Variants in DOCK9 observed in about 807,000 individuals in gnomAD.
The protein encoded by DOCK9 is dedicator of cytokinesis 9, also known as dedicator of cytokinesis protein 9.
A neutral mutation model predicts 263.3 loss-of-function variants in DOCK9; 89 were observed. The ratio of observed to expected loss-of-function variants is 0.34; its 90% CI spans 0.28 to 0.40. The LOEUF is 0.40. Among genes scored for constraint, DOCK9 ranks in the 10% least tolerant of loss-of-function variants. The pLI is 1.00. For missense variants in DOCK9, 2,140 were observed against 2,603.4 expected (o/e 0.82, Z 3.87); for synonymous variants, 976 against 973.1 (o/e 1.00, Z -0.06).
chr13:98,803,188 C>A (rs868461471), intron 49 of DOCK9, among the ~76,000 whole-genome samples: 1 of 152,178 alleles, frequency 6.6e-6, no homozygotes, highest in Non-Finnish European at 1.5e-5. Context: ...CTCTCTGAAG[C>A]GCACTCTCTG....
At position 98,998,961 on chromosome 13, in the gene DOCK9, G is replaced by A. The variant is rs1447973859; in HGVS notation, c.130-43410C>T. On this transcript the variant is annotated intron_variant, in intron 1 of 32. Coordinates refer to the DOCK9 transcript ENST00000427887. ...CAACCATAGTGTCCTTGGGGCTGGAGAAAGGGAAGCAAGCTCGGATCACAC... is the reference window on the plus strand; with the variant it reads ...CAACCATAGTGTCCTTGGGGCTGGAAAAAGGGAAGCAAGCTCGGATCACAC... 3.3e-5 allele frequency among the ~76,000 whole-genome samples: 5 copies of A among 152,276 alleles called. No individual in the cohort carries two copies. The East Asian group carries it at 5.8e-4, about 18-fold the overall frequency.
At chr13:98,945,452 C>T (rs559018813) in intron 2 of DOCK9, among the ~76,000 whole-genome samples, 1 of 152,238 alleles carries the variant, frequency 6.6e-6, no homozygotes, top group Non-Finnish European at 1.5e-5. Flanking sequence ...CTCAAACTAC[C>T]CCACACCAAG....
intron 27 of DOCK9, among the ~76,000 whole-genome samples, chr13:98,873,085 G>A (rs868346221): frequency 3.3e-5 from 5 of 152,108 alleles, no homozygotes; most frequent in African/African-American, 7.2e-5. Context: ...GGCCCAAGAC[G>A]CTTCCTTCCT....
chr13:98,974,748 CAAAAAAAAAAAA>C (rs57196019), intron 1 of DOCK9, among the ~76,000 whole-genome samples: 2 of 33,206 alleles, frequency 6.0e-5, no homozygotes, highest in African/African-American at 1.1e-4. Flanking sequence ...AACTCTGTCT[CAAAAAAAAAAAA>C]AAAAAAAAAA....
At chr13:98,954,897 CAT>C (rs1555424716) in intron 2 of DOCK9, among the ~76,000 whole-genome samples, 1 of 149,826 alleles carries the variant, frequency 6.7e-6, no homozygotes, top group Non-Finnish European at 1.5e-5. Context: ...CACACACACA[CAT>C]TTTGGCATAC....
chr13:99,067,473 G>A (rs367588465), intron 1 of DOCK9, among the ~76,000 whole-genome samples: 1 of 152,198 alleles, frequency 6.6e-6, no homozygotes, highest in African/African-American at 2.4e-5. Context: ...CACAAGGGAA[G>A]CCTGCAGCAG....
chr13:98,982,144 G>A (rs1419089353), upstream of DOCK9, among the ~76,000 whole-genome samples: 7 of 152,146 alleles, frequency 4.6e-5, no homozygotes. Context: ...TCTGTAATGG[G>A]GTTCAGGTCT....
intron 1 of DOCK9, among the ~76,000 whole-genome samples, chr13:99,080,264 C>T (rs1409676069): frequency 6.6e-6 from 1 of 152,008 alleles, no homozygotes; most frequent in Non-Finnish European, 1.5e-5. Context: ...AGTGCCTACA[C>T]ACACACAGGC....
chr13:99,019,179 C>T (rs1566309272), intron 1 of DOCK9, among the ~76,000 whole-genome samples: 1 of 152,126 alleles, frequency 6.6e-6, no homozygotes, highest in Non-Finnish European at 1.5e-5. Context: ...AGAACAGACA[C>T]ATCCAGAGAG....
At chr13:98,843,042 G>T (rs1198028984) in intron 38 of DOCK9, among the ~76,000 whole-genome samples, 3 of 152,170 alleles carry the variant, frequency 2.0e-5, no homozygotes, top group Non-Finnish European at 2.9e-5. Context: ...ACCTACAAAG[G>T]ATTCCGTTTC....
At chr13:98,823,697 G>C (rs146825036) in intron 45 of DOCK9, among the ~76,000 whole-genome samples, 3 of 152,362 alleles carry the variant, frequency 2.0e-5, no homozygotes, top group East Asian at 1.9e-4. Flanking sequence ...GAGTGAATGA[G>C]TGAATGCCAG....
chr13:98,984,574 G>A (rs188162947), intron 1 of DOCK9, among the ~76,000 whole-genome samples: 6 of 152,306 alleles, frequency 3.9e-5, no homozygotes, highest in Admixed American at 2.0e-4. Flanking sequence ...GGTACTATTA[G>A]TGATTCTTTT....
At chr13:98,984,871 A>G (rs1203033587) in intron 1 of DOCK9, among the ~76,000 whole-genome samples, 1 of 152,184 alleles carries the variant, frequency 6.6e-6, no homozygotes, top group Non-Finnish European at 1.5e-5. Context: ...TATTGATAAT[A>G]TCTGGGGAAA....
At chr13:98,900,761 A>T (rs2048149401) in intron 13 of DOCK9, among the ~76,000 whole-genome samples, 1 of 152,264 alleles carries the variant, frequency 6.6e-6, no homozygotes, top group South Asian at 2.1e-4. Context: ...CAAAGGACCC[A>T]GATGAGTTAA....
intron 24 of DOCK9, 24 bp downstream of exon 24, chr13:98,881,868 A>G (rs1164408781): frequency 6.6e-7 from 1 of 1,522,320 alleles, no homozygotes; most frequent in Admixed American, 2.0e-5. Context: ...GAAGTGAGGA[A>G]GAGCATCCAT....
rs116284923 is a variant in DOCK9 at position 98,853,291 on chromosome 13, C to T, written c.3946+117G>A. 6,663 of 624,872 alleles carry T rather than the reference C, an allele frequency of 0.011. 352 individuals carry two copies. In the African/African-American group the frequency reaches 0.11, roughly 10 times the overall value. 38.7% of individuals were successfully genotyped at this position (624,872 alleles called of 1,614,324 possible). A position where few individuals can be genotyped will look rare whatever the true frequency, so the allele number is the denominator to read the frequency against. ...CAATTACATTTAGTCAATGAATATG[C>T]ATTTTAAACAAGAAAATCCTTTGAA... On this transcript the variant is annotated intron_variant, in intron 35 of 52. Transcript: ENST00000682017.
intron 1 of DOCK9, among the ~76,000 whole-genome samples, chr13:99,084,198 C>T (rs561059153): frequency 3.3e-5 from 5 of 152,280 alleles, no homozygotes; most frequent in South Asian, 2.1e-4. Context: ...AGGAAGTAAG[C>T]AGTGGCAGAG....
intron 45 of DOCK9, among the ~76,000 whole-genome samples, chr13:98,815,544 G>A (rs192303453): frequency 5.9e-5 from 9 of 152,192 alleles, no homozygotes; most frequent in African/African-American, 1.2e-4. Flanking sequence ...GCAGTGGCAC[G>A]ATCTTGGCTC....
In DOCK9 at chr13:98,829,451, C is replaced by T. The variant is rs1170821495; in HGVS notation, c.4821G>A (p.Gln1607=). The T allele has an allele frequency of 1.9e-6, 3 of 1,613,864 alleles. No individual in the cohort carries two copies. Among genetic ancestry groups the T allele is most frequent in the East Asian group, 2.2e-5 (1 of 44,898 alleles). Residue 1607 remains glutamine (Q), a synonymous_variant, in exon 43 of 53, where the codon CAG becomes CAA. Transcript: ENST00000682017. The surrounding 1 kb of genome is among the most constrained non-coding windows in gnomAD (Gnocchi z 4.1). ...RIRTVLMATA[Q]MKEHENDPEM... is the part of the protein sequence containing the mutation. ...CTGGGTCGTTCTCATGCTCCTTCAT[C>T]TGGGCGGTGGCCATTAGCACCGTGC...
Sources: gnomAD v4.1 joint callset for allele counts (sites outside exome capture counted in the v4.1 genomes callset) on GRCh38, gnomAD v4.1.1 for gene constraint, Gnocchi (gnomAD v3.1) non-coding constraint, MANE v1.5 for transcripts, NCBI Gene and HGNC (gene_info 2026-07-23, HGNC 2026-07-21) for gene names.